The following DIAPH2 variants were observed in gnomAD, a reference collection of about 807,000 sequenced individuals.
DIAPH2 encodes protein diaphanous homolog 2.
A neutral mutation model predicts 92.7 loss-of-function variants in DIAPH2; 35 were observed. The observed-to-expected ratio is 0.38, with a 90% CI of 0.29 to 0.50. The LOEUF (loss-of-function observed/expected upper bound fraction) is 0.50. Ranked by LOEUF, DIAPH2 falls within the 20% of genes least tolerant of loss-of-function variation. The pLI is 0.94. For synonymous variants in DIAPH2, 301 were observed against 280.4 expected, an observed-to-expected ratio of 1.07 and a Z score of -0.73; for missense variants, 701 against 819.5, an observed-to-expected ratio of 0.86 and a Z score of 1.77.
At chrX:97,030,018 C>T (rs1211684973) in intron 17 of DIAPH2, among the ~76,000 whole-genome samples, 2 of 111,388 alleles carry the variant, frequency 1.8e-5, no homozygotes, top group Admixed American at 9.6e-5. Context: ...CACCAAGCAC[C>T]GACCACCATT....
At chrX:96,946,167 TTAAATGCCTTTGAG>T (rs1191735017) in intron 14 of DIAPH2, among the ~76,000 whole-genome samples, 3 of 112,059 alleles carry the variant, frequency 2.7e-5, no homozygotes, top group Non-Finnish European at 5.7e-5. Context: ...TGTTAATGTC[TTAAATGCCTTTGAG>T]TAAATGCCAG....
chrX:97,050,023 A>G (rs908424939), intron 17 of DIAPH2, among the ~76,000 whole-genome samples: 3 of 111,228 alleles, frequency 2.7e-5, no homozygotes, highest in Non-Finnish European at 5.7e-5. Flanking sequence ...TGTATTACTC[A>G]TTAGGTTGCT....
rs887819685 is a variant in DIAPH2 at position 97,036,844 on chromosome X, A to T, written c.2051-36097A>T. The stretch of plus-strand genomic sequence containing the variant: ...GACTTTAGGGACATAAACTTCAGGG[A>T]GGTGCAATAGGTAGATGACAATCAT... On this transcript the variant is annotated intron_variant, in intron 17 of 26. Transcript: ENST00000324765. 8.1e-5 allele frequency among the ~76,000 whole-genome samples: 9 copies of T among 111,724 alleles called. No homozygotes were observed. In the East Asian group the frequency reaches 1.4e-3, roughly 17 times the overall value.
At chrX:97,060,853 ATTTT>A (rs981055862) in intron 17 of DIAPH2, among the ~76,000 whole-genome samples, 1 of 109,739 alleles carries the variant, frequency 9.1e-6, no homozygotes, top group African/African-American at 3.3e-5. Context: ...TTATCCAACA[ATTTT>A]TTTTTTAAGT....
rs931578525 is a variant in DIAPH2, at chrX:97,575,564, T to C, written c.3242-23689T>C. Reference sequence around the variant, plus strand: ...ATATATGAATTAAGGGGGACACAATTTAACTTATAAGATGGCTCTAATCAT... The same window carrying C: ...ATATATGAATTAAGGGGGACACAATCTAACTTATAAGATGGCTCTAATCAT... On this transcript the variant is annotated intron_variant, in intron 26 of 26. Transcript: ENST00000324765. Among the ~76,000 whole-genome samples, 3 of 112,120 alleles carry C rather than the reference T, an allele frequency of 2.7e-5. No individual in the cohort carries two copies. In the Admixed American group the frequency reaches 2.8e-4, roughly 11 times the overall value.
intron 17 of DIAPH2, among the ~76,000 whole-genome samples, chrX:97,030,385 C>T (rs2066365218): frequency 9.0e-6 from 1 of 111,461 alleles, no homozygotes; most frequent in African/African-American, 3.3e-5. Context: ...ATAATCACAG[C>T]TATTTTCTTT....
Position 97,521,409 on chromosome X carries a change from T to C in DIAPH2, c.3242-77844T>C, listed in dbSNP as rs748424173. 3.6e-5 allele frequency among the ~76,000 whole-genome samples: 4 copies of C among 112,142 alleles called. No individual in the cohort carries two copies. The East Asian group carries it at 1.1e-3, about 31-fold the overall frequency. On this transcript the variant is annotated intron_variant, in intron 26 of 26. Coordinates refer to ENST00000324765, the MANE Select transcript of DIAPH2 (RefSeq NM_006729.5). ...CACTCCTTACTCCCCTTTCCTTACATACACATTCCTTGCCTTTCCTCACCC... is the reference window on the plus strand; with the variant it reads ...CACTCCTTACTCCCCTTTCCTTACACACACATTCCTTGCCTTTCCTCACCC...
intron 4 of DIAPH2, among the ~76,000 whole-genome samples, chrX:96,868,057 C>T (rs1294153915): frequency 1.8e-5 from 2 of 112,027 alleles, no homozygotes; most frequent in African/African-American, 3.2e-5. Context: ...ACAGTGCGGG[C>T]ACTTTTGGGT....
intron 26 of DIAPH2, among the ~76,000 whole-genome samples, chrX:97,456,625 G>A (rs962764503): frequency 2.7e-5 from 3 of 111,163 alleles, no homozygotes; most frequent in Non-Finnish European, 5.7e-5. Flanking sequence ...TGTGTGGCTT[G>A]GTTGGAATTG....
chrX:97,570,647 G>T (rs1447390113), intron 26 of DIAPH2, among the ~76,000 whole-genome samples: 1 of 110,694 alleles, frequency 9.0e-6, no homozygotes, highest in East Asian at 2.8e-4. Context: ...TAAAATGGGG[G>T]AAGCCAAGGA....
At chrX:96,714,423 C>A (rs2063937770) in intron 1 of DIAPH2, among the ~76,000 whole-genome samples, 1 of 110,400 alleles carries the variant, frequency 9.1e-6, no homozygotes, top group Admixed American at 9.7e-5. Flanking sequence ...CGCCACCACA[C>A]CCGGCTAATT....
chrX:97,190,989 G>T (rs187948656), intron 22 of DIAPH2, among the ~76,000 whole-genome samples: 1 of 110,165 alleles, frequency 9.1e-6, no homozygotes, highest in Non-Finnish European at 1.9e-5. Context: ...TCTGTGTGCA[G>T]TAGCCCCCTC....
intron 4 of DIAPH2, among the ~76,000 whole-genome samples, chrX:96,851,455 G>A (rs1295408514): frequency 1.8e-5 from 2 of 111,578 alleles, no homozygotes; most frequent in African/African-American, 6.5e-5. Flanking sequence ...TGGGGAATTG[G>A]TTCCAGAACC....
At chrX:97,417,404 A>G (rs986385237) in intron 25 of DIAPH2, among the ~76,000 whole-genome samples, 2 of 110,970 alleles carry the variant, frequency 1.8e-5, no homozygotes, top group Non-Finnish European at 3.8e-5. Flanking sequence ...ACACATACAC[A>G]CACACACACA....
chrX:97,334,472 A>AAAACAAC (rs1556028860), intron 23 of DIAPH2, among the ~76,000 whole-genome samples: 3 of 84,445 alleles, frequency 3.6e-5, no homozygotes, highest in Admixed American at 1.5e-4. Context: ...CAAAAAAAAA[A>AAAACAAC]AAAAAACAAA....
intron 23 of DIAPH2, among the ~76,000 whole-genome samples, chrX:97,285,007 A>G (rs976895682): frequency 3.0e-4 from 33 of 111,818 alleles, no homozygotes; most frequent in African/African-American, 1.0e-3. Flanking sequence ...CTAATCTTGC[A>G]GAAGTCATTA....
chrX:97,467,961 C>T (rs933821053), intron 26 of DIAPH2, among the ~76,000 whole-genome samples: 2 of 111,707 alleles, frequency 1.8e-5, no homozygotes, highest in Admixed American at 9.6e-5. Flanking sequence ...GAGATGATGC[C>T]TACAGTAAAA....
At chrX:97,406,961 T>C (rs1328119124) in intron 25 of DIAPH2, among the ~76,000 whole-genome samples, 2 of 111,755 alleles carry the variant, frequency 1.8e-5, no homozygotes, top group Non-Finnish European at 3.8e-5. Flanking sequence ...TTTTTGAATT[T>C]TTTTTTACAT....
intron 17 of DIAPH2, among the ~76,000 whole-genome samples, chrX:97,028,834 G>A (rs185416758): frequency 8.9e-6 from 1 of 111,864 alleles, no homozygotes; most frequent in Admixed American, 9.5e-5. Flanking sequence ...ATATCTAGGA[G>A]TGGAATTGCT....
Sources: allele counts gnomAD v4.1 joint callset (sites outside exome capture counted in the v4.1 genomes callset), GRCh38; gene constraint gnomAD v4.1.1; transcripts MANE v1.5; gene names NCBI Gene and HGNC (gene_info 2026-07-23, HGNC 2026-07-21).